CYB5RL: variants seen among roughly 807,000 people sequenced by gnomAD.
CYB5RL encodes the protein cytochrome b5 reductase like, also known as NADH-cytochrome b5 reductase-like.
Under a neutral mutation model 37.5 loss-of-function variants are expected in CYB5RL, and 38 were observed. The observed-to-expected ratio is 1.01, with a 90% CI of 0.78 to 1.33. CYB5RL has a LOEUF of 1.33. CYB5RL is among the 40% of genes most tolerant of loss of function. CYB5RL has a pLI of 0.00. For synonymous variants in CYB5RL, 141 were observed against 151.9 expected (o/e 0.93, Z 0.53); for missense variants, 388 against 394.4 (o/e 0.98, Z 0.14).
At chr1:54,180,599 G>A (rs1225331130) in intron 6 of CYB5RL, among the ~76,000 whole-genome samples, 3 of 148,698 alleles carry the variant, frequency 2.0e-5, no homozygotes, top group Admixed American at 6.7e-5. Context: ...GCGAGACTCC[G>A]TCTCAAAGAA....
chr1:54,196,297 C>T (rs1644007213), intron 2 of CYB5RL, 72 bp downstream of exon 2: 1 of 152,412 alleles, frequency 6.6e-6, no homozygotes, highest in Admixed American at 6.5e-5. Flanking sequence ...AAGCAATCCT[C>T]CTGCCTCAGT....
intron 7 of CYB5RL, among the ~76,000 whole-genome samples, 192 bp from the exon 8 acceptor site, chr1:54,175,014 C>T (rs990100493): frequency 6.6e-6 from 1 of 152,108 alleles, no homozygotes; most frequent in African/African-American, 2.4e-5. Context: ...TATCACCCTC[C>T]CACGACAGCA....
chr1:54,183,340 A>G (rs1660211317), intron 6 of CYB5RL, among the ~76,000 whole-genome samples: 2 of 152,356 alleles, frequency 1.3e-5, no homozygotes, highest in South Asian at 4.1e-4. Context: ...TATAGGACGG[A>G]CTTCCATAAG....
Position 54,195,407 on chromosome 1 carries a change from A to G in CYB5RL, c.198+12T>C. On this transcript the variant is annotated intron_variant, in intron 3 of 7. Transcript: ENST00000534324. ...TGCCCTGGTGCTCATATCGAGAAGCAGCCTCTCTCACCTGTGACTCTGGCC... is the reference window on the plus strand; with the variant it reads ...TGCCCTGGTGCTCATATCGAGAAGCGGCCTCTCTCACCTGTGACTCTGGCC... 6.4e-7 allele frequency: 1 copy of G among 1,565,334 alleles called. No individual in the cohort carries two copies. The highest frequency in any genetic ancestry group is 8.7e-7 in the Non-Finnish European group (1 of 1,150,142).
At chr1:54,187,886 G>C in intron 4 of CYB5RL, 147 bp from the exon 5 acceptor site, 1 of 639,256 alleles carries the variant, frequency 1.6e-6, no homozygotes, top group African/African-American at 1.8e-5. Flanking sequence ...GACCAGCCTG[G>C]ACAACATAGT....
intron 3 of CYB5RL, among the ~76,000 whole-genome samples, chr1:54,194,579 C>A (rs148520561): frequency 6.6e-6 from 1 of 151,872 alleles, no homozygotes; most frequent in Non-Finnish European, 1.5e-5. Flanking sequence ...GAGGCTGAGG[C>A]GGGAGGATCA....
In CYB5RL at chr1:54,174,486, C is replaced by T. The variant is rs554995442; in HGVS notation, c.*133G>A. On this transcript the variant is annotated 3_prime_UTR_variant, in exon 8 of 8. Transcript: ENST00000534324. ...AAGTAGAGGTTCTGAGCAGTAAAGA[C>T]ACTTGCCCAAGGTCACCTGGCAAAT... 2.1e-4 allele frequency: 212 copies of T among 1,026,708 alleles called. 1 individual carries two copies. Among genetic ancestry groups the T allele is most frequent in the Non-Finnish European group, 1.7e-4 (116 of 687,616 alleles). 63.6% of individuals were successfully genotyped at this position (1,026,708 alleles called of 1,614,324 possible). A position where few individuals can be genotyped will look rare whatever the true frequency, so the allele number is the denominator to read the frequency against.
chr1:54,182,234 T>C (rs1042061081), intron 6 of CYB5RL, among the ~76,000 whole-genome samples: 5 of 152,186 alleles, frequency 3.3e-5, no homozygotes, highest in African/African-American at 9.7e-5. Context: ...TAGAATGGGG[T>C]TGTAGCACCT....
At chr1:54,179,499 C>A in intron 6 of CYB5RL, 147 bp from the exon 7 acceptor site, 1 of 767,348 alleles carries the variant, frequency 1.3e-6, no homozygotes. Flanking sequence ...CTCTCTACCT[C>A]CTCCAGAAAG....
chr1:54,179,904 A>G, intron 6 of CYB5RL: 1 of 453,554 alleles, frequency 2.2e-6, no homozygotes, highest in Admixed American at 2.4e-5. Flanking sequence ...ATGAAATAAT[A>G]TGCATAAGCA....
At chr1:54,177,004 C>T (rs944135921) in intron 7 of CYB5RL, among the ~76,000 whole-genome samples, 2 of 152,194 alleles carry the variant, frequency 1.3e-5, no homozygotes, top group Non-Finnish European at 2.9e-5. Context: ...GCCAGAAAAG[C>T]ACAGCACACT....
At chr1:54,198,218 T>C (rs1311932994) in intron 1 of CYB5RL, among the ~76,000 whole-genome samples, 1 of 152,100 alleles carries the variant, frequency 6.6e-6, no homozygotes. Context: ...CAGAGCCTCA[T>C]AGACTACAAG....
Position 54,187,702 on chromosome 1 carries a change from T to C in CYB5RL, c.385A>G (p.Thr129Ala). ...TCTGCGTTGGCAGGGCTGATGGGCG[T>C]ATAGGCTCTCTGAATTTCTAAGTCA... ...VDDLEIQRAY[T>A]PISPANAEGY... The change falls in exon 5 of 8, where the codon ACG becomes GCG. Residue 129 changes from threonine (T) to alanine (A), a missense_variant. By Grantham distance (58) the Thr-to-Ala change is moderately conservative (BLOSUM62 0). Transcript: ENST00000534324. The C allele has an allele frequency of 6.2e-7, 1 of 1,614,042 alleles. No homozygotes were observed.
chr1:54,197,903 C>T (rs1644024056), intron 1 of CYB5RL, among the ~76,000 whole-genome samples: 1 of 151,542 alleles, frequency 6.6e-6, no homozygotes, highest in Admixed American at 6.6e-5. Context: ...TGGTGGGCAC[C>T]CGTAGTCCCA....
chr1:54,190,980 A>G, intron 3 of CYB5RL, 84 bp from the exon 4 acceptor site: 1 of 1,501,644 alleles, frequency 6.7e-7, no homozygotes, highest in South Asian at 1.3e-5. Flanking sequence ...ACTGTCCCCA[A>G]GGAGAGGCTG....
In CYB5RL at chr1:54,195,639, A is replaced by C; in HGVS notation, c.-23T>G. 1 of 1,586,950 alleles carries C rather than the reference A, an allele frequency of 6.3e-7. No individual in the cohort carries two copies. The highest frequency in any genetic ancestry group is 8.6e-7 in the Non-Finnish European group (1 of 1,163,314). The stretch of plus-strand genomic sequence containing the variant: ...CATCAGTGGGGCTTGGGCAGCCTAG[A>C]AGGAACAACTGGGTGCTCTTCCAGA... On this transcript the variant is annotated 5_prime_UTR_variant, in exon 3 of 8. Transcript: ENST00000534324.
chr1:54,199,668 AG>A (rs1279600111), intron 1 of CYB5RL, among the ~76,000 whole-genome samples: 2 of 152,194 alleles, frequency 1.3e-5, no homozygotes, highest in East Asian at 3.9e-4. Flanking sequence ...CCAGAGGGAA[AG>A]GAAAAGCGAG....
chr1:54,181,108 G>A (rs774125466), intron 6 of CYB5RL, among the ~76,000 whole-genome samples: 1 of 152,244 alleles, frequency 6.6e-6, no homozygotes, highest in African/African-American at 2.4e-5. Flanking sequence ...CTCACGCCTG[G>A]CAGCTGTTGC....
At chr1:54,198,420 C>T (rs1644035182) in intron 1 of CYB5RL, among the ~76,000 whole-genome samples, 2 of 150,572 alleles carry the variant, frequency 1.3e-5, no homozygotes, top group Admixed American at 1.3e-4. Context: ...GCCAGCTCTG[C>T]CTCCCGGGTT....
Sources: gnomAD v4.1 joint callset for allele counts (sites outside exome capture counted in the v4.1 genomes callset) on GRCh38, gnomAD v4.1.1 for gene constraint, MANE v1.5 for transcripts, NCBI Gene and HGNC (gene_info 2026-07-23, HGNC 2026-07-21) for gene names.